MINK1: variants seen among roughly 807,000 people sequenced by gnomAD.
MINK1 encodes the protein misshapen-like kinase 1.
MINK1 carries 46 observed loss-of-function variants against 178.4 expected under a neutral mutation model. That is an observed-to-expected ratio of 0.26 (90% CI 0.20 to 0.33). The LOEUF (loss-of-function observed/expected upper bound fraction) is 0.33. MINK1 is among the 10% of genes least tolerant of loss of function. The probability of loss-of-function intolerance (pLI) is 1.00; values close to 1 mark genes in which losing one functional copy is unlikely to be tolerated. For missense variants in MINK1, 1,366 were observed against 1,814.9 expected (o/e 0.75, Z 4.49); for synonymous variants, 797 against 709.7 (o/e 1.12, Z -1.96).
Position 4,894,478 on chromosome 17 carries a change from C to T in MINK1, c.2809-47C>T. ...GGGAACAGCAGCAGGGGCAGGGCCG[C>T]AGCTGGACTTGCACTTGTTTGCCTG... is the stretch of plus-strand genomic sequence containing the variant. On this transcript the variant is annotated intron_variant, in intron 23 of 31. Coordinates refer to ENST00000355280, the MANE Select transcript of MINK1 (RefSeq NM_153827.5). The surrounding 1 kb of genome is among the most constrained non-coding windows in gnomAD (Gnocchi z 4.1). 6.5e-7 allele frequency: 1 copy of T among 1,534,772 alleles called. No homozygotes were observed. The highest frequency in any genetic ancestry group is 8.9e-7 in the Non-Finnish European group (1 of 1,129,356).
At chr17:4,860,355 CT>C (rs1488652843) in intron 1 of MINK1, among the ~76,000 whole-genome samples, 1 of 152,190 alleles carries the variant, frequency 6.6e-6, no homozygotes, top group African/African-American at 2.4e-5. Flanking sequence ...ACCTTCTCTC[CT>C]TTTCCTGGCC....
chr17:4,880,538 C>T (rs542387041), intron 2 of MINK1, among the ~76,000 whole-genome samples: 4 of 149,196 alleles, frequency 2.7e-5, no homozygotes, highest in African/African-American at 7.3e-5. Context: ...CCGCCTGCCT[C>T]GGCCTCCCAA....
chr17:4,849,895 C>A lies in MINK1; in HGVS notation c.57+16255C>A, dbSNP rs113599428. On this transcript the variant is annotated intron_variant, in intron 1 of 31. Transcript: ENST00000355280. ...GCTGGTCTCAGCTTAAACATCACTT[C>A]CTTAGCGAGCCTTTCCTGGCTCCCT... Among the ~76,000 whole-genome samples the A allele has an allele frequency of 2.1e-4, 32 of 152,244 alleles. 1 individual carries two copies. Among genetic ancestry groups the A allele is most frequent in the African/African-American group, 6.7e-4 (28 of 41,554 alleles).
At position 4,895,714 on chromosome 17, in the gene MINK1, G is replaced by T; in HGVS notation, c.3246G>T (p.Leu1082=). Residue 1082 remains leucine (L), a synonymous_variant, in exon 27 of 32, where the codon CTG becomes CTT. Transcript: ENST00000355280. The surrounding 1 kb of genome is among the most constrained non-coding windows in gnomAD (Gnocchi z 4.3). The part of the protein sequence containing the change: ...LITISGKRNK[L]RVYYLSWLRN... ...GTCCCTCAGGGAAAAGGAACAAACT[G>T]CGGGTGTATTACCTGTCCTGGCTCC... is the stretch of plus-strand genomic sequence containing the variant. The T allele has an allele frequency of 6.2e-7, 1 of 1,613,588 alleles. No individual in the cohort carries two copies. The highest frequency in any genetic ancestry group is 8.5e-7 in the Non-Finnish European group (1 of 1,179,762).
At chr17:4,893,670 TG>T (rs2151062662) in intron 21 of MINK1, 73 bp downstream of exon 21, 1 of 1,463,690 alleles carries the variant, frequency 6.8e-7, no homozygotes, top group Non-Finnish European at 9.1e-7. Context: ...GGGGAAGAGG[TG>T]GGGCTTTGGG....
chr17:4,867,145 T>TTG (rs1276098528), intron 1 of MINK1, among the ~76,000 whole-genome samples: 1 of 135,834 alleles, frequency 7.4e-6, no homozygotes, highest in African/African-American at 2.8e-5. Context: ...ACTGTTTTTT[T>TTG]TTTTTTTTTT....
At chr17:4,897,030 C>G in intron 31 of MINK1, 174 bp from the exon 32 acceptor site, 1 of 854,124 alleles carries the variant, frequency 1.2e-6, no homozygotes, top group South Asian at 1.7e-5. Context: ...TGCACCCTCT[C>G]CCCTAACATC....
rs1969300115 is a variant in MINK1, at chr17:4,894,970, T to C, written c.2918-105T>C. The stretch of plus-strand genomic sequence containing the variant: ...CCTCTCCTCCTGTCTTTCTCCTCCT[T>C]TCTGCGTATTATGAGGTGCCAAGAC... On this transcript the variant is annotated intron_variant, in intron 24 of 31. Coordinates refer to ENST00000355280, the MANE Select transcript of MINK1 (RefSeq NM_153827.5). The surrounding 1 kb of genome is among the most constrained non-coding windows in gnomAD (Gnocchi z 4.1). 7.3e-6 allele frequency: 9 copies of C among 1,238,002 alleles called. No homozygotes were observed. The highest frequency in any genetic ancestry group is 1.0e-5 in the Non-Finnish European group (9 of 885,930). 76.7% of individuals were successfully genotyped at this position (1,238,002 alleles called of 1,614,324 possible). A position where few individuals can be genotyped will look rare whatever the true frequency, so the allele number is the denominator to read the frequency against.
intron 1 of MINK1, among the ~76,000 whole-genome samples, chr17:4,868,204 T>C (rs563588508): frequency 6.6e-6 from 1 of 152,308 alleles, no homozygotes; most frequent in East Asian, 1.9e-4. Flanking sequence ...CTCAAACTCC[T>C]GACCTCAGGT....
intron 1 of MINK1, chr17:4,834,745 A>G: frequency 1.9e-6 from 1 of 519,944 alleles, no homozygotes; most frequent in South Asian, 1.4e-5. Flanking sequence ...TCACCAGGCC[A>G]AGGTGTGGGG....
At chr17:4,878,251 C>A (rs182410569) in intron 1 of MINK1, 66 bp from the exon 2 acceptor site, 1 of 1,422,712 alleles carries the variant, frequency 7.0e-7, no homozygotes, top group African/African-American at 1.4e-5. Flanking sequence ...ACCACTTTAC[C>A]CCCCTCTAGC....
In MINK1 at chr17:4,897,304, G is replaced by GGCTGTCCCACACTGGACCCA; in HGVS notation, c.*21_*40dup. 2 of 1,612,130 alleles carry GGCTGTCCCACACTGGACCCA rather than the reference G, an allele frequency of 1.2e-6. No individual in the cohort carries two copies. Among genetic ancestry groups the GGCTGTCCCACACTGGACCCA allele is most frequent in the Non-Finnish European group, 1.7e-6 (2 of 1,178,452 alleles). ...AACTGGTGACGGGGCCCTGGGCTGGGGCTGTCCCACACTGGACCCAGCTCT... is the reference window on the plus strand; with the variant it reads ...AACTGGTGACGGGGCCCTGGGCTGGGGCTGTCCCACACTGGACCCAGCTGTCCCACACTGGACCCAGCTCT... On this transcript the variant is annotated 3_prime_UTR_variant, in exon 32 of 32. Transcript: ENST00000355280.
chr17:4,895,935 A>G lies in MINK1; in HGVS notation c.3365-68A>G. 1.9e-6 allele frequency: 3 copies of G among 1,570,822 alleles called. No individual in the cohort carries two copies. The Middle Eastern group carries it at 5.0e-4, about 263-fold the overall frequency. On this transcript the variant is annotated intron_variant, in intron 27 of 31. Coordinates refer to ENST00000355280, the MANE Select transcript of MINK1 (RefSeq NM_153827.5). This position sits in a 1 kb window ranked among gnomAD's most constrained non-coding sequence, Gnocchi z 4.3. ...GGCCTGGGTGGGGCAGTGTAGTGAC[A>G]GACCACGGGGAGGCGCCCGTGGCGC...
chr17:4,875,811 G>T (rs201681545), intron 1 of MINK1, among the ~76,000 whole-genome samples: 1 of 149,736 alleles, frequency 6.7e-6, no homozygotes, highest in African/African-American at 2.4e-5. Flanking sequence ...TTTTCCCCCC[G>T]CCGAGACAGA....
chr17:4,891,808 T>C lies in MINK1; in HGVS notation c.2001+92T>C, dbSNP rs1300852923. ...AGGGGCAGGCCACATGGAGGAAGAG[T>C]GCAGGGCGGGAAGCGAGAGAAAGCC... On this transcript the variant is annotated intron_variant, in intron 16 of 31. Coordinates refer to ENST00000355280, the MANE Select transcript of MINK1 (RefSeq NM_153827.5). 2.1e-6 allele frequency: 3 copies of C among 1,456,172 alleles called. No homozygotes were observed. The African/African-American group carries it at 4.3e-5, about 21-fold the overall frequency. 90.2% of individuals were successfully genotyped at this position (1,456,172 alleles called of 1,614,324 possible). A position where few individuals can be genotyped will look rare whatever the true frequency, so the allele number is the denominator to read the frequency against.
chr17:4,839,302 G>A (rs1364422181), intron 1 of MINK1, among the ~76,000 whole-genome samples: 1 of 152,080 alleles, frequency 6.6e-6, no homozygotes, highest in Admixed American at 6.6e-5. Flanking sequence ...TCAAGGTTGG[G>A]ACATTTTTGT....
At chr17:4,838,766 TATC>T (rs1485649106) in intron 1 of MINK1, among the ~76,000 whole-genome samples, 1 of 152,262 alleles carries the variant, frequency 6.6e-6, no homozygotes, top group East Asian at 1.9e-4. Context: ...CAGAGAAAGT[TATC>T]AATAATCCCC....
chr17:4,849,609 G>C (rs1264273615), intron 1 of MINK1, among the ~76,000 whole-genome samples: 1 of 152,132 alleles, frequency 6.6e-6, no homozygotes, highest in Admixed American at 6.5e-5. Flanking sequence ...TTTTGCTCTT[G>C]TTGCCCAGGC....
chr17:4,833,411 C>T lies in MINK1; in HGVS notation c.-173C>T, dbSNP rs1331938813. 12 of 550,334 alleles carry T rather than the reference C, an allele frequency of 2.2e-5. No individual in the cohort carries two copies. The highest frequency in any genetic ancestry group is 3.5e-5 in the Non-Finnish European group (11 of 316,532). 34.1% of individuals were successfully genotyped at this position (550,334 alleles called of 1,614,324 possible). On this transcript the variant is annotated 5_prime_UTR_variant, in exon 1 of 32. Coordinates refer to ENST00000355280, the MANE Select transcript of MINK1 (RefSeq NM_153827.5). The surrounding 1 kb of genome is among the most constrained non-coding windows in gnomAD (Gnocchi z 4.8). The stretch of plus-strand genomic sequence containing the variant: ...GTGGCTGGCTCCGGGGAGATAGCGC[C>T]TGTCAGTCGGTGGGTCGGTCCTCGC...
Sources: gnomAD v4.1 joint callset for allele counts (sites outside exome capture counted in the v4.1 genomes callset) on GRCh38, gnomAD v4.1.1 for gene constraint, Gnocchi (gnomAD v3.1) non-coding constraint, MANE v1.5 for transcripts, NCBI Gene and HGNC (gene_info 2026-07-23, HGNC 2026-07-21) for gene names.